The following COL8A1 variants were observed in gnomAD, a reference collection of about 807,000 sequenced individuals.
COL8A1 encodes the protein collagen type VIII alpha 1 chain, also known as collagen alpha-1(VIII) chain.
In COL8A1, 21 loss-of-function variants were observed where a neutral mutation model predicts 42.7. That is an observed-to-expected ratio of 0.49 (90% CI 0.35 to 0.71). COL8A1 has a LOEUF of 0.71. Ranked by LOEUF, COL8A1 falls within the 30% of genes least tolerant of loss-of-function variation. The pLI, the probability that COL8A1 is intolerant of heterozygous loss-of-function variation, is 0.01. For missense variants in COL8A1, 788 were observed against 962.4 expected (o/e 0.82, Z 2.40); for synonymous variants, 367 against 369.1 (o/e 0.99, Z 0.06).
At chr3:99,775,564 G>A (rs894288806) in intron 2 of COL8A1, among the ~76,000 whole-genome samples, 9 of 152,200 alleles carry the variant, frequency 5.9e-5, no homozygotes, top group African/African-American at 2.2e-4. Flanking sequence ...AAGTGGTGAT[G>A]TGATAGACAC....
At chr3:99,754,052 A>G (rs183972776) in intron 2 of COL8A1, among the ~76,000 whole-genome samples, 1 of 152,232 alleles carries the variant, frequency 6.6e-6, no homozygotes, top group African/African-American at 2.4e-5. Flanking sequence ...AGTTACAGAT[A>G]TGGGTCTGCA....
chr3:99,712,778 G>C (rs192297628), intron 1 of COL8A1, among the ~76,000 whole-genome samples: 202 of 152,184 alleles, frequency 1.3e-3, no homozygotes, highest in African/African-American at 4.6e-3. Flanking sequence ...GCTTGCCCAG[G>C]TCTCTCCTTG....
At chr3:99,707,554 A>C (rs1319078910) in intron 1 of COL8A1, among the ~76,000 whole-genome samples, 9 of 152,146 alleles carry the variant, frequency 5.9e-5, no homozygotes, top group Non-Finnish European at 1.0e-4. Context: ...GTGTTTAGGA[A>C]AAGGTCACTG....
At chr3:99,731,477 G>C (rs1940508021) in intron 1 of COL8A1, among the ~76,000 whole-genome samples, 1 of 152,072 alleles carries the variant, frequency 6.6e-6, no homozygotes, top group Admixed American at 6.6e-5. Flanking sequence ...GCCAGAGTGG[G>C]AATAATGTGG....
intron 1 of COL8A1, among the ~76,000 whole-genome samples, chr3:99,694,220 C>T (rs1939304534): frequency 6.6e-6 from 1 of 152,132 alleles, no homozygotes; most frequent in Non-Finnish European, 1.5e-5. Flanking sequence ...CAGTGGCTCA[C>T]ACCTGTAATC....
intron 2 of COL8A1, among the ~76,000 whole-genome samples, chr3:99,769,274 T>C (rs1941531158): frequency 6.6e-6 from 1 of 152,224 alleles, no homozygotes; most frequent in Non-Finnish European, 1.5e-5. Context: ...TCAGTCCTTA[T>C]CCTATCCTCC....
At chr3:99,657,868 A>C (rs569518862) in intron 1 of COL8A1, among the ~76,000 whole-genome samples, 5 of 152,224 alleles carry the variant, frequency 3.3e-5, no homozygotes, top group South Asian at 2.1e-4. Context: ...GGTGGCTCAC[A>C]CCTGTAATCC....
intron 1 of COL8A1, among the ~76,000 whole-genome samples, chr3:99,688,936 C>T (rs1424146882): frequency 6.6e-6 from 1 of 152,120 alleles, no homozygotes; most frequent in Non-Finnish European, 1.5e-5. Flanking sequence ...TGCCCATAGA[C>T]ATTCTCCCCT....
intron 2 of COL8A1, among the ~76,000 whole-genome samples, chr3:99,773,957 G>T (rs1230552826): frequency 1.4e-5 from 2 of 143,726 alleles, no homozygotes; most frequent in Non-Finnish European, 3.0e-5. Flanking sequence ...TGATTCTCCT[G>T]CCTCAGCTTC....
intron 1 of COL8A1, among the ~76,000 whole-genome samples, chr3:99,640,106 C>T (rs1559764918): frequency 6.6e-6 from 1 of 152,112 alleles, no homozygotes; most frequent in Non-Finnish European, 1.5e-5. Context: ...AATGCTGTTA[C>T]TCAAATGCAA....
chr3:99,730,179 C>T (rs1940459877), intron 1 of COL8A1, among the ~76,000 whole-genome samples: 1 of 152,052 alleles, frequency 6.6e-6, no homozygotes, highest in Non-Finnish European at 1.5e-5. Flanking sequence ...ATTTACTGCA[C>T]AGTCGTAAGG....
In COL8A1 at chr3:99,663,541, T is replaced by C. The variant is rs1478695227; in HGVS notation, c.-129+24877T>C. Among the ~76,000 whole-genome samples the C allele has an allele frequency of 4.6e-5, 7 of 151,470 alleles. No individual in the cohort carries two copies. In the East Asian group the frequency reaches 9.6e-4, roughly 21 times the overall value. On this transcript the variant is annotated intron_variant, in intron 1 of 3. Coordinates refer to ENST00000652472, the MANE Select transcript of COL8A1 (RefSeq NM_020351.4). ...AGTGTTTTGTTTTGTCTTTTCGCTG[T>C]GGTAAGCTCTATAAATTTACCAAAT...
chr3:99,778,628 G>A (rs898228277), intron 2 of COL8A1, among the ~76,000 whole-genome samples: 2 of 150,066 alleles, frequency 1.3e-5, no homozygotes, highest in Admixed American at 6.6e-5. Context: ...AAAAAAAAAA[G>A]GCACTCTTTA....
chr3:99,719,599 C>T (rs1374083659), intron 1 of COL8A1, among the ~76,000 whole-genome samples: 1 of 152,080 alleles, frequency 6.6e-6, no homozygotes, highest in Non-Finnish European at 1.5e-5. Context: ...CTCAAGGGAA[C>T]AGGTAAGACT....
intron 1 of COL8A1, among the ~76,000 whole-genome samples, chr3:99,644,496 T>C (rs1236732804): frequency 6.6e-6 from 1 of 152,230 alleles, no homozygotes; most frequent in Non-Finnish European, 1.5e-5. Context: ...CAATTTACCC[T>C]GAATAAGCAG....
intron 1 of COL8A1, among the ~76,000 whole-genome samples, chr3:99,688,410 T>C (rs1939125806): frequency 1.3e-5 from 2 of 152,154 alleles, no homozygotes; most frequent in South Asian, 4.2e-4. Context: ...TCTTCCAACT[T>C]CAGAGCGCAT....
chr3:99,643,760 T>C (rs2107281292), intron 1 of COL8A1, among the ~76,000 whole-genome samples: 1 of 152,332 alleles, frequency 6.6e-6, no homozygotes, highest in Non-Finnish European at 1.5e-5. Flanking sequence ...TGTATTATTT[T>C]TTACAGGAGG....
At chr3:99,771,967 A>C (rs966633358) in intron 2 of COL8A1, among the ~76,000 whole-genome samples, 1 of 152,322 alleles carries the variant, frequency 6.6e-6, no homozygotes, top group East Asian at 1.9e-4. Flanking sequence ...TAATCCAATG[A>C]TACCATTGTC....
In COL8A1 at chr3:99,773,449, T is replaced by C. The variant is rs756568439; in HGVS notation, c.-3-17231T>C. Among the ~76,000 whole-genome samples, 26 of 152,092 alleles carry C rather than the reference T, an allele frequency of 1.7e-4. 1 individual carries two copies. Among genetic ancestry groups the C allele is most frequent in the Admixed American group, 7.2e-4 (11 of 15,266 alleles). Reference sequence around the variant, plus strand: ...TCTGATTGTGATCTACACCTATATGTTTCATGAGTAGGACAAGATAAAATG... The same window carrying C: ...TCTGATTGTGATCTACACCTATATGCTTCATGAGTAGGACAAGATAAAATG... On this transcript the variant is annotated intron_variant, in intron 2 of 3. Coordinates refer to ENST00000652472, the MANE Select transcript of COL8A1 (RefSeq NM_020351.4).
Sources: gnomAD v4.1 joint callset for allele counts (sites outside exome capture counted in the v4.1 genomes callset) on GRCh38, gnomAD v4.1.1 for gene constraint, MANE v1.5 for transcripts, NCBI Gene and HGNC (gene_info 2026-07-23, HGNC 2026-07-21) for gene names.